The following SAMD12 variants were observed in gnomAD, a reference collection of about 807,000 sequenced individuals.
The protein encoded by SAMD12 is sterile alpha motif domain containing 12.
Under a neutral mutation model 15.0 loss-of-function variants are expected in SAMD12, and 9 were observed. The observed-to-expected ratio is 0.60, with a 90% CI of 0.36 to 1.05. The LOEUF (loss-of-function observed/expected upper bound fraction) is 1.05. Among genes scored for constraint, SAMD12 ranks in the 50% least tolerant of loss-of-function variants. SAMD12 has a pLI of 0.01. For synonymous variants in SAMD12, 86 were observed against 90.1 expected (o/e 0.96, Z 0.25); for missense variants, 230 against 234.2 (o/e 0.98, Z 0.12).
At chr8:118,501,095 C>T (rs1339334046) in intron 2 of SAMD12, among the ~76,000 whole-genome samples, 1 of 152,106 alleles carries the variant, frequency 6.6e-6, no homozygotes, top group Non-Finnish European at 1.5e-5. Flanking sequence ...TTCATATGGC[C>T]CCTGACTAGG....
the SAMD12 span, among the ~76,000 whole-genome samples, chr8:118,182,984 T>C: frequency 0.064 from 9,688 of 152,224 alleles, 836 homozygotes; most frequent in African/African-American, 0.2. Flanking sequence ...AAACACCCAA[T>C]ATCGAATTAG....
the SAMD12 span, among the ~76,000 whole-genome samples, chr8:118,150,615 T>G: frequency 6.6e-6 from 1 of 152,202 alleles, no homozygotes; most frequent in African/African-American, 2.4e-5. Context: ...GTGATCCTCC[T>G]GCCTTGGCCT....
intron 1 of SAMD12, among the ~76,000 whole-genome samples, chr8:118,619,479 A>AT: frequency 2.9e-4 from 1 of 3,394 alleles, no homozygotes; most frequent in African/African-American, 9.2e-4. Flanking sequence ...ACTCTGTCTC[A>AT]AAAAAAAAAA....
intron 4 of SAMD12, among the ~76,000 whole-genome samples, chr8:118,294,617 A>G (rs1814608848): frequency 6.6e-6 from 1 of 152,238 alleles, no homozygotes. Context: ...ATAAACAGGA[A>G]CTTAACTTCT....
chr8:118,466,262 G>A (rs1485185821), intron 2 of SAMD12, among the ~76,000 whole-genome samples: 1 of 152,162 alleles, frequency 6.6e-6, no homozygotes, highest in Non-Finnish European at 1.5e-5. Flanking sequence ...CAGTGTATGG[G>A]ATCAGGAGCC....
chr8:118,553,561 C>T (rs1271628597), intron 2 of SAMD12, among the ~76,000 whole-genome samples: 9 of 151,264 alleles, frequency 5.9e-5, no homozygotes, highest in Non-Finnish European at 1.3e-4. Flanking sequence ...AAACATTAGA[C>T]CTAAAACCAT....
At chr8:118,252,317 G>A (rs567095019) in intron 4 of SAMD12, among the ~76,000 whole-genome samples, 6 of 152,290 alleles carry the variant, frequency 3.9e-5, no homozygotes, top group Admixed American at 3.3e-4. Context: ...TGGAGACAGG[G>A]ATGCTCATGT....
At chr8:118,590,247 AACC>A (rs2131277416) in intron 1 of SAMD12, among the ~76,000 whole-genome samples, 1 of 152,360 alleles carries the variant, frequency 6.6e-6, no homozygotes, top group Non-Finnish European at 1.5e-5. Context: ...AATGTGACCC[AACC>A]ACCACATCAG....
chr8:118,343,482 A>G (rs930278221), intron 4 of SAMD12, among the ~76,000 whole-genome samples: 4 of 152,116 alleles, frequency 2.6e-5, no homozygotes, highest in African/African-American at 7.2e-5. Flanking sequence ...TAACATGGTG[A>G]TGAAGATCTT....
chr8:118,236,399 G>C (rs775634352), intron 4 of SAMD12, among the ~76,000 whole-genome samples: 1 of 152,132 alleles, frequency 6.6e-6, no homozygotes, highest in Admixed American at 6.6e-5. Context: ...TGCCTCAACC[G>C]TGAAAGAGTG....
At chr8:118,167,982 A>G in the SAMD12 span, among the ~76,000 whole-genome samples, 1 of 152,004 alleles carries the variant, frequency 6.6e-6, no homozygotes, top group African/African-American at 2.4e-5. Flanking sequence ...GAATTCCCAC[A>G]TGTTTTGGGA....
the SAMD12 span, among the ~76,000 whole-genome samples, chr8:118,144,697 AG>A: frequency 6.6e-6 from 1 of 152,180 alleles, no homozygotes; most frequent in African/African-American, 2.4e-5. Context: ...GGAGAGAGAG[AG>A]GGAAAAGAAG....
chr8:118,206,166 A>G (rs139923525), intron 4 of SAMD12, among the ~76,000 whole-genome samples: 150 of 152,304 alleles, frequency 9.8e-4, no homozygotes, highest in Non-Finnish European at 1.7e-3. Flanking sequence ...TCCATTTCCA[A>G]TGATTCAGAA....
rs80015136 is a variant in SAMD12 at position 118,283,671 on chromosome 8, G to A, written c.434-85939C>T. ...AGGGAGATCCATCCTGGGATCTGGTGATGAGCCTTCTGTAAAGAGGAAGGG... is the reference window on the plus strand; with the variant it reads ...AGGGAGATCCATCCTGGGATCTGGTAATGAGCCTTCTGTAAAGAGGAAGGG... On this transcript the variant is annotated intron_variant, in intron 4 of 4. Transcript: ENST00000409003. Among the ~76,000 whole-genome samples, 4 of 152,346 alleles carry A rather than the reference G, an allele frequency of 2.6e-5. No homozygotes were observed. In the South Asian group the frequency reaches 8.3e-4, roughly 32 times the overall value.
Position 118,208,096 on chromosome 8 carries a change from A to G in SAMD12, c.434-10364T>C, listed in dbSNP as rs914634390. The stretch of plus-strand genomic sequence containing the variant: ...AACATGGAGAAACCCCGTCTCTACT[A>G]AAAACACAAAATTAGCTGGGTGTGG... On this transcript the variant is annotated intron_variant, in intron 4 of 4. Coordinates refer to the SAMD12 transcript ENST00000409003. 2.6e-5 allele frequency among the ~76,000 whole-genome samples: 4 copies of G among 152,000 alleles called. No homozygotes were observed. In the South Asian group the frequency reaches 6.2e-4, roughly 24 times the overall value.
At chr8:118,137,356 A>G in the SAMD12 span, among the ~76,000 whole-genome samples, 8 of 152,142 alleles carry the variant, frequency 5.3e-5, no homozygotes, top group South Asian at 2.1e-4. Context: ...ATTTGTTTCC[A>G]CAATTTTCCA....
rs777363940 is a variant in SAMD12 at position 118,580,762 on chromosome 8, G to T, written c.145C>A (p.Gln49Lys). 5.0e-6 allele frequency: 8 copies of T among 1,613,028 alleles called. No homozygotes were observed. Among genetic ancestry groups the T allele is most frequent in the Non-Finnish European group, 6.8e-6 (8 of 1,179,258 alleles). Residue 49 changes from glutamine (Q) to lysine (K), a missense_variant, in exon 2 of 4, where the codon CAG becomes AAG. Coordinates refer to ENST00000314727, the MANE Select transcript of SAMD12 (RefSeq NM_207506.3). ...KNKNFQKVPD[Q>K]KGTPKRLQAE... ...TGCAGTCGCTTGGGAGTTCCTTTCT[G>T]GTCAGGCACCTTCTGGAAATTTTTA...
intron 3 of SAMD12, among the ~76,000 whole-genome samples, chr8:118,382,990 G>A (rs1819752434): frequency 6.6e-6 from 1 of 152,094 alleles, no homozygotes; most frequent in South Asian, 2.1e-4. Context: ...ATTTCTAGGA[G>A]TAAATGTCCC....
At chr8:118,359,071 G>A (rs1818368310) in intron 4 of SAMD12, among the ~76,000 whole-genome samples, 2 of 151,704 alleles carry the variant, frequency 1.3e-5, no homozygotes, top group African/African-American at 4.9e-5. Context: ...AACTATCTCT[G>A]TTATGGGCTG....
Sources: allele counts gnomAD v4.1 joint callset (sites outside exome capture counted in the v4.1 genomes callset), GRCh38; gene constraint gnomAD v4.1.1; transcripts MANE v1.5; gene names NCBI Gene and HGNC (gene_info 2026-07-23, HGNC 2026-07-21).